The following KHDRBS2 variants were observed in gnomAD, a reference collection of about 807,000 sequenced individuals.
KHDRBS2 encodes KH RNA binding domain containing, signal transduction associated 2.
A neutral mutation model predicts 44.3 loss-of-function variants in KHDRBS2; 26 were observed. The ratio of observed to expected loss-of-function variants is 0.59; its 90% CI spans 0.43 to 0.81. KHDRBS2 has a LOEUF of 0.81. KHDRBS2 is among the 40% of genes least tolerant of loss of function. The pLI is 0.00. For synonymous variants in KHDRBS2, 194 were observed against 151.1 expected (o/e 1.28, Z -2.08); for missense variants, 476 against 433.1 (o/e 1.10, Z -0.88).
chr6:61,545,994 T>G, the KHDRBS2 span, among the ~76,000 whole-genome samples: 1 of 152,144 alleles, frequency 6.6e-6, no homozygotes, highest in African/African-American at 2.4e-5. Flanking sequence ...AAATTTCTGT[T>G]GTTTAAGCCA....
chr6:61,959,578 AT>A (rs1272082099), intron 4 of KHDRBS2, among the ~76,000 whole-genome samples: 1 of 152,296 alleles, frequency 6.6e-6, no homozygotes, highest in Non-Finnish European at 1.5e-5. Context: ...TAAGAGTTTC[AT>A]GAGATTATAT....
At chr6:61,618,197 T>C in the KHDRBS2 span, among the ~76,000 whole-genome samples, 1 of 152,130 alleles carries the variant, frequency 6.6e-6, no homozygotes, top group Non-Finnish European at 1.5e-5. Context: ...CTACCTTTTG[T>C]GGGGCACTAT....
At chr6:62,248,012 C>CT (rs1193632422) in intron 1 of KHDRBS2, among the ~76,000 whole-genome samples, 4 of 151,990 alleles carry the variant, frequency 2.6e-5, no homozygotes, top group Non-Finnish European at 5.9e-5. Context: ...ATCTCAGCCT[C>CT]TAAATTATTT....
chr6:61,989,803 T>A (rs201537573), intron 3 of KHDRBS2, among the ~76,000 whole-genome samples: 2 of 152,168 alleles, frequency 1.3e-5, no homozygotes, highest in Non-Finnish European at 2.9e-5. Flanking sequence ...ACTATCTCCA[T>A]GCAATCAGCA....
At chr6:61,934,069 C>G (rs1294134399) in intron 4 of KHDRBS2, among the ~76,000 whole-genome samples, 1 of 151,784 alleles carries the variant, frequency 6.6e-6, no homozygotes, top group East Asian at 1.9e-4. Context: ...CTTTCATGTA[C>G]TTGTTTGCCA....
chr6:61,835,710 CGTGTGTGTGT>C (rs3078000), intron 6 of KHDRBS2, among the ~76,000 whole-genome samples: 2 of 145,478 alleles, frequency 1.4e-5, no homozygotes, highest in African/African-American at 5.1e-5. Flanking sequence ...TTGATGTGTG[CGTGTGTGTGT>C]GTGTGTGTGT....
chr6:61,591,590 A>G, the KHDRBS2 span, among the ~76,000 whole-genome samples: 7 of 152,014 alleles, frequency 4.6e-5, no homozygotes, highest in Admixed American at 6.6e-5. Flanking sequence ...CTTTTCCCTT[A>G]CTTGATCAAG....
chr6:62,202,205 A>T (rs1404934079), intron 1 of KHDRBS2, among the ~76,000 whole-genome samples: 1 of 152,120 alleles, frequency 6.6e-6, no homozygotes. Context: ...AAATATGTGT[A>T]ATCAGTAAAT....
At chr6:61,978,006 G>C in intron 4 of KHDRBS2, 60 bp downstream of exon 4, 1 of 1,356,968 alleles carries the variant, frequency 7.4e-7, no homozygotes, top group Non-Finnish European at 1.0e-6. Flanking sequence ...GAAGATCAAA[G>C]GTGCATTTTA....
chr6:61,763,981 C>T (rs1007059952), intron 6 of KHDRBS2, among the ~76,000 whole-genome samples: 1 of 152,054 alleles, frequency 6.6e-6, no homozygotes, highest in Non-Finnish European at 1.5e-5. Flanking sequence ...TTTCCCACCC[C>T]CTACCCTCCC....
intron 3 of KHDRBS2, among the ~76,000 whole-genome samples, chr6:62,000,635 A>T (rs2127258460): frequency 6.6e-6 from 1 of 152,166 alleles, no homozygotes; most frequent in African/African-American, 2.4e-5. Context: ...AGGGAATCAG[A>T]GAAAAAGATG....
At chr6:61,906,130 G>A (rs1020511488) in intron 4 of KHDRBS2, among the ~76,000 whole-genome samples, 3 of 152,138 alleles carry the variant, frequency 2.0e-5, no homozygotes, top group African/African-American at 7.2e-5. Flanking sequence ...ATAGGCGTGA[G>A]TCACCGCGCC....
At chr6:62,085,976 C>T (rs2127359136) in intron 2 of KHDRBS2, among the ~76,000 whole-genome samples, 1 of 152,204 alleles carries the variant, frequency 6.6e-6, no homozygotes, top group African/African-American at 2.4e-5. Flanking sequence ...GGCTGAAGGG[C>T]TTCTGAAGAC....
At chr6:61,935,065 GA>G (rs1253297186) in intron 4 of KHDRBS2, among the ~76,000 whole-genome samples, 1 of 152,170 alleles carries the variant, frequency 6.6e-6, no homozygotes, top group Non-Finnish European at 1.5e-5. Flanking sequence ...AAGAATTGTG[GA>G]TGAAGGGGAG....
intron 6 of KHDRBS2, among the ~76,000 whole-genome samples, chr6:61,830,393 T>C (rs1333114591): frequency 6.6e-6 from 1 of 152,206 alleles, no homozygotes; most frequent in Non-Finnish European, 1.5e-5. Flanking sequence ...TCTCTAAATG[T>C]GTCCTTATAC....
chr6:61,771,752 C>T (rs1780949294), intron 6 of KHDRBS2, among the ~76,000 whole-genome samples: 1 of 152,026 alleles, frequency 6.6e-6, no homozygotes. Context: ...ACTTTAACAC[C>T]CCACTGTCAA....
intron 2 of KHDRBS2, among the ~76,000 whole-genome samples, chr6:62,159,907 T>C (rs1817275836): frequency 6.6e-6 from 1 of 152,096 alleles, no homozygotes; most frequent in African/African-American, 2.4e-5. Context: ...GTTGAAGAGG[T>C]GGAGTTGATC....
chr6:61,915,497 C>T lies in KHDRBS2; in HGVS notation c.484-14126G>A, dbSNP rs77834944. Among the ~76,000 whole-genome samples, 286 of 151,874 alleles carry T rather than the reference C, an allele frequency of 1.9e-3. 8 individuals carry two copies. In the East Asian group the frequency reaches 0.049, roughly 26 times the overall value. The stretch of plus-strand genomic sequence containing the variant: ...AGGCAGGCTACTGAATTTTTATTGT[C>T]CTATAGTAGAATCAAAATACAAATG... On this transcript the variant is annotated intron_variant, in intron 4 of 8. Transcript: ENST00000281156.
At chr6:61,638,188 C>G in the KHDRBS2 span, among the ~76,000 whole-genome samples, 4 of 151,924 alleles carry the variant, frequency 2.6e-5, no homozygotes, top group Non-Finnish European at 5.9e-5. Context: ...AAAAAGAGCC[C>G]GCATCACCAA....
Sources: gnomAD v4.1 joint callset for allele counts (sites outside exome capture counted in the v4.1 genomes callset) on GRCh38, gnomAD v4.1.1 for gene constraint, MANE v1.5 for transcripts, NCBI Gene and HGNC (gene_info 2026-07-23, HGNC 2026-07-21) for gene names.